PPP1R1C: variants seen among roughly 807,000 people sequenced by gnomAD.
PPP1R1C encodes protein phosphatase 1 regulatory subunit 1C.
PPP1R1C carries 15 observed loss-of-function variants against 17.4 expected under a neutral mutation model. The observed-to-expected ratio is 0.86, with a 90% CI of 0.58 to 1.33. The LOEUF (loss-of-function observed/expected upper bound fraction) is 1.33, where lower values mean the gene tolerates loss of function less well. Among genes scored for constraint, PPP1R1C ranks in the 40% most tolerant of loss-of-function variants. PPP1R1C has a pLI of 0.00. For missense variants in PPP1R1C, 143 were observed against 130.0 expected, an observed-to-expected ratio of 1.10 and a Z score of -0.48; for synonymous variants, 35 against 43.1, an observed-to-expected ratio of 0.81 and a Z score of 0.73.
chr2:182,069,274 CTT>C (rs752186150), intron 4 of PPP1R1C, among the ~76,000 whole-genome samples: 63 of 142,650 alleles, frequency 4.4e-4, no homozygotes, highest in Middle Eastern at 3.7e-3. Context: ...GTCTCGCTTT[CTT>C]TTTTTTTTTT....
intron 2 of PPP1R1C, among the ~76,000 whole-genome samples, chr2:182,008,349 T>G (rs2125153596): frequency 6.6e-6 from 1 of 152,176 alleles, no homozygotes; most frequent in South Asian, 2.1e-4. Context: ...TCTTGATGGC[T>G]TACAATAAAA....
intron 5 of PPP1R1C, among the ~76,000 whole-genome samples, chr2:182,127,853 T>C (rs1689912637): frequency 6.6e-6 from 1 of 152,040 alleles, no homozygotes; most frequent in Non-Finnish European, 1.5e-5. Context: ...GGGATTTTCT[T>C]CTTCCTTAAG....
intron 2 of PPP1R1C, among the ~76,000 whole-genome samples, chr2:182,023,272 G>C (rs2125164554): frequency 6.6e-6 from 1 of 152,122 alleles, no homozygotes; most frequent in South Asian, 2.1e-4. Context: ...AAATAAAATG[G>C]AAAGAATATA....
At chr2:182,085,927 C>T (rs1278898391) in intron 4 of PPP1R1C, among the ~76,000 whole-genome samples, 2 of 151,508 alleles carry the variant, frequency 1.3e-5, no homozygotes, top group African/African-American at 4.9e-5. Flanking sequence ...TAAGAAAACC[C>T]CTAGATGGGT....
Position 181,987,859 on chromosome 2 carries a change from A to G in PPP1R1C, c.102A>G (p.Thr34=), listed in dbSNP as rs547516920. 1 of 1,613,520 alleles carries G rather than the reference A, an allele frequency of 6.2e-7. No homozygotes were observed. The highest frequency in any genetic ancestry group is 2.2e-5 in the East Asian group (1 of 44,860). The part of the protein sequence containing the change: ...AAEQIRKRRP[T]PASLVILNEH... ...CACAGATCAGGAAAAGAAGACCTAC[A>G]CCAGCATCACTTGTGATTCTCAATG... The change falls in exon 2 of 5, where the codon ACA becomes ACG. Residue 34 remains threonine, a synonymous_variant. Transcript: ENST00000682840.
intron 1 of PPP1R1C, among the ~76,000 whole-genome samples, chr2:181,960,378 G>A (rs2125130294): frequency 6.6e-6 from 1 of 152,360 alleles, no homozygotes; most frequent in East Asian, 1.9e-4. Context: ...GGCACTGTGA[G>A]ATCAGTGGTC....
chr2:182,045,628 T>C (rs935830111), intron 2 of PPP1R1C, among the ~76,000 whole-genome samples: 1 of 152,112 alleles, frequency 6.6e-6, no homozygotes, highest in Non-Finnish European at 1.5e-5. Context: ...GAGTTCTAGT[T>C]AAAGAGAATG....
rs775080005 is a variant in PPP1R1C, at chr2:181,962,238, T to A, written n.111+7604T>A. On this transcript the variant is annotated intron_variant and non_coding_transcript_variant, in intron 1 of 5. Coordinates refer to the PPP1R1C transcript ENST00000464264. This position sits in a 1 kb window ranked among gnomAD's most constrained non-coding sequence, Gnocchi z 6.0. ...TCATTCAGGCTTTGCATTGTCTCCT[T>A]CTTATTCTGGATGCCTCCCATTCCT... is the stretch of plus-strand genomic sequence containing the variant. The A allele has an allele frequency of 1.9e-5, 14 of 732,400 alleles. No homozygotes were observed. The highest frequency in any genetic ancestry group is 3.5e-5 in the African/African-American group (2 of 57,444). The allele number at this position is 732,400 out of a possible 1,614,324, so 45.4% of individuals were successfully genotyped here.
chr2:181,974,127 A>G (rs1355318077), intron 1 of PPP1R1C, among the ~76,000 whole-genome samples: 1 of 152,148 alleles, frequency 6.6e-6, no homozygotes, highest in Non-Finnish European at 1.5e-5. Context: ...ATGGGTGGGT[A>G]GAGACTTTAA....
chr2:182,062,123 T>G (rs1019403641), intron 3 of PPP1R1C, among the ~76,000 whole-genome samples: 7 of 152,018 alleles, frequency 4.6e-5, no homozygotes, highest in African/African-American at 1.7e-4. Context: ...AAATATTGAA[T>G]AGGATGCTGT....
At chr2:182,095,343 C>T (rs548274078) in intron 4 of PPP1R1C, among the ~76,000 whole-genome samples, 1 of 151,986 alleles carries the variant, frequency 6.6e-6, no homozygotes, top group South Asian at 2.1e-4. Context: ...TTTACTTACC[C>T]TATATAATCT....
intron 2 of PPP1R1C, among the ~76,000 whole-genome samples, chr2:182,057,031 G>T (rs762983519): frequency 2.6e-5 from 4 of 152,190 alleles, no homozygotes; most frequent in Non-Finnish European, 4.4e-5. Context: ...TATGTATTTA[G>T]CACCTACTAT....
rs540092373 is a variant in PPP1R1C, at chr2:182,041,990, C to G, written c.143-19452C>G. On this transcript the variant is annotated intron_variant, in intron 2 of 4. Coordinates refer to ENST00000682840, the MANE Select transcript of PPP1R1C (RefSeq NM_001080545.3). ...ATTTTTCCAACTATTTTTTGAACTT[C>G]TGGTAATCTGGGTCAGTCATACTTT... Among the ~76,000 whole-genome samples, 21 of 152,246 alleles carry G rather than the reference C, an allele frequency of 1.4e-4. No individual in the cohort carries two copies. The South Asian group carries it at 2.9e-3, about 21-fold the overall frequency.
In PPP1R1C at chr2:182,101,749, C is replaced by T. The variant is rs150142532; in HGVS notation, c.242-15458C>T. ...GGACTGCCTTTTAAATTCAGCACTA[C>T]CTTTTGAAGTTCTTTCCACCCTAAA... On this transcript the variant is annotated intron_variant, in intron 4 of 4. Coordinates refer to ENST00000682840, the MANE Select transcript of PPP1R1C (RefSeq NM_001080545.3). Among the ~76,000 whole-genome samples, 13 of 152,300 alleles carry T rather than the reference C, an allele frequency of 8.5e-5. No individual in the cohort carries two copies. The East Asian group carries it at 1.9e-3, about 23-fold the overall frequency.
chr2:182,062,385 T>G (rs1360169825), intron 3 of PPP1R1C, among the ~76,000 whole-genome samples: 1 of 152,146 alleles, frequency 6.6e-6, no homozygotes, highest in African/African-American at 2.4e-5. Context: ...TAATTTTCTA[T>G]TTGATCTTTA....
chr2:181,993,418 C>T (rs1432858902), intron 2 of PPP1R1C, among the ~76,000 whole-genome samples: 1 of 152,088 alleles, frequency 6.6e-6, no homozygotes, highest in African/African-American at 2.4e-5. Context: ...CCAGCCACCC[C>T]CAGGGACCTC....
intron 1 of PPP1R1C, among the ~76,000 whole-genome samples, chr2:181,969,193 A>G (rs1684959502): frequency 6.6e-6 from 1 of 152,168 alleles, no homozygotes; most frequent in Admixed American, 6.5e-5. Context: ...ATTACCAGTG[A>G]GTTTTATACC....
intron 2 of PPP1R1C, among the ~76,000 whole-genome samples, chr2:182,008,810 G>A (rs1382105273): frequency 6.6e-6 from 1 of 152,010 alleles, no homozygotes; most frequent in East Asian, 1.9e-4. Context: ...CTAGTCTCTG[G>A]TAACCATCAT....
At chr2:182,003,293 G>A (rs1241436886) in intron 2 of PPP1R1C, among the ~76,000 whole-genome samples, 2 of 152,058 alleles carry the variant, frequency 1.3e-5, no homozygotes, top group Non-Finnish European at 2.9e-5. Context: ...TTAGTCTGAA[G>A]AAATACAAAA....
Sources: allele counts gnomAD v4.1 joint callset (sites outside exome capture counted in the v4.1 genomes callset), GRCh38; gene constraint gnomAD v4.1.1; non-coding constraint Gnocchi (gnomAD v3.1); transcripts MANE v1.5; gene names NCBI Gene and HGNC (gene_info 2026-07-23, HGNC 2026-07-21).